Variants in SVIL observed in about 807,000 individuals in gnomAD.
SVIL encodes archvillin.
SVIL carries 101 observed loss-of-function variants against 240.4 expected under a neutral mutation model. The observed-to-expected ratio is 0.42, with a 90% confidence interval of 0.36 to 0.50. SVIL has a LOEUF of 0.50. SVIL is among the 20% of genes least tolerant of loss of function. The pLI, the probability that SVIL is intolerant of heterozygous loss-of-function variation, is 0.01. For missense variants in SVIL, 2,512 were observed against 2,818.7 expected, an observed-to-expected ratio of 0.89 and a Z score of 2.46; for synonymous variants, 999 against 1,100.0, an observed-to-expected ratio of 0.91 and a Z score of 1.82.
intron 21 of SVIL, among the ~76,000 whole-genome samples, chr10:29,491,292 G>C (rs567970414): frequency 6.6e-6 from 1 of 152,054 alleles, no homozygotes; most frequent in Admixed American, 6.6e-5. Flanking sequence ...CTTCCGGGCA[G>C]CTCACGGCTC....
intron 29 of SVIL, among the ~76,000 whole-genome samples, chr10:29,479,467 G>A (rs1946588401): frequency 2.0e-5 from 3 of 152,128 alleles, no homozygotes; most frequent in South Asian, 2.1e-4. Flanking sequence ...AGGGGGCAGG[G>A]GGACCTCTGG....
chr10:29,632,350 G>A (rs1446119699), intron 1 of SVIL, among the ~76,000 whole-genome samples: 1 of 152,060 alleles, frequency 6.6e-6, no homozygotes, highest in Admixed American at 6.6e-5. Context: ...AATTAGCTGG[G>A]CGCAGTGGCA....
Position 29,458,382 on chromosome 10 carries a change from C to CA in SVIL, c.6559-50_6559-49insT, listed in dbSNP as rs1312926097. On this transcript the variant is annotated intron_variant, in intron 37 of 37. Transcript: ENST00000355867. ...CCGCGGCTCAGTGAAAGGAGCCGGGCGTGCGTGTGTTGTTTTACTCCCATC... is the reference window on the plus strand; with the variant it reads ...CCGCGGCTCAGTGAAAGGAGCCGGGCAGTGCGTGTGTTGTTTTACTCCCATC... The CA allele has an allele frequency of 6.3e-6, 10 of 1,595,476 alleles. No homozygotes were observed. In the Admixed American group the frequency reaches 1.7e-4, roughly 27 times the overall value.
chr10:29,711,789 T>G (rs897731994), intron 1 of SVIL: 2 of 150,744 alleles, frequency 1.3e-5, no homozygotes, highest in African/African-American at 4.9e-5. Context: ...GTGCCATGAT[T>G]TAGAGCAACT....
At position 29,603,068 on chromosome 10, in the gene SVIL, T is replaced by A. The variant is rs938888488; in HGVS notation, c.-201+31352A>T. ...GATGATAATGAAGGACTTCTTACCA[T>A]CCTGACGACTGAAACTCGAGACTCC... On this transcript the variant is annotated intron_variant, in intron 1 of 37. Transcript: ENST00000355867. Among the ~76,000 whole-genome samples, 8 of 141,360 alleles carry A rather than the reference T, an allele frequency of 5.7e-5. No individual in the cohort carries two copies. In the Admixed American group the frequency reaches 5.9e-4, roughly 10 times the overall value. The allele number at this position is 141,360 out of a possible 152,430, so 92.7% of individuals were successfully genotyped here. A position where few individuals can be genotyped will look rare whatever the true frequency, so the allele number is the denominator to read the frequency against.
At chr10:29,550,037 A>T (rs1474204475) in intron 6 of SVIL, among the ~76,000 whole-genome samples, 1 of 140,788 alleles carries the variant, frequency 7.1e-6, no homozygotes, top group South Asian at 2.3e-4. Context: ...AAAAAAAAAA[A>T]GAATTACGAA....
intron 30 of SVIL, 179 bp downstream of exon 30, chr10:29,473,659 G>A: frequency 1.4e-6 from 1 of 708,498 alleles, no homozygotes; most frequent in East Asian, 2.8e-5. Context: ...AGTGGGAGGA[G>A]GAAAGAAATG....
intron 1 of SVIL, among the ~76,000 whole-genome samples, chr10:29,605,648 G>A (rs1564693577): frequency 6.9e-6 from 1 of 145,654 alleles, no homozygotes; most frequent in East Asian, 2.0e-4. Context: ...AGTTTTCCTA[G>A]TTTTTTTTTT....
rs577544582 is a variant in SVIL at position 29,563,148 on chromosome 10, C to A, written c.-51+53G>T. 192 of 622,960 alleles carry A rather than the reference C, an allele frequency of 3.1e-4. 1 individual carries two copies. In the South Asian group the frequency reaches 0.013, roughly 41 times the overall value. The allele number at this position is 622,960 out of a possible 1,614,324, so 38.6% of individuals were successfully genotyped here. A position where few individuals can be genotyped will look rare whatever the true frequency, so the allele number is the denominator to read the frequency against. ...AGAGTTCTGCTCAAGGAAATTCGGACAACACAATACGCATCTACCCAGACA... is the reference window on the plus strand; with the variant it reads ...AGAGTTCTGCTCAAGGAAATTCGGAAAACACAATACGCATCTACCCAGACA... On this transcript the variant is annotated intron_variant, in intron 3 of 37. Transcript: ENST00000355867.
chr10:29,529,175 CAAAAAAAAAA>C (rs66523560), intron 12 of SVIL, among the ~76,000 whole-genome samples: 9,626 of 65,966 alleles, frequency 0.15, 465 homozygotes, highest in Non-Finnish European at 0.2. Context: ...GACTCTCTCT[CAAAAAAAAAA>C]AAAAAAAAAA....
At chr10:29,531,438 A>T (rs1013629844) in intron 9 of SVIL, 150 bp from the exon 10 acceptor site, 29 of 785,474 alleles carry the variant, frequency 3.7e-5, no homozygotes, top group Non-Finnish European at 5.9e-5. Flanking sequence ...GTGAAAACAC[A>T]CATACAGTTG....
rs548445260 is a variant in SVIL, at chr10:29,529,046, C to T, written c.2246+659G>A. 3.0e-4 allele frequency among the ~76,000 whole-genome samples: 46 copies of T among 151,826 alleles called. 1 individual carries two copies. In the South Asian group the frequency reaches 9.6e-3, roughly 32 times the overall value. On this transcript the variant is annotated intron_variant, in intron 12 of 37. Transcript: ENST00000355867. The stretch of plus-strand genomic sequence containing the variant: ...CAAAAATTAGCTGAGTGTGGTGGCA[C>T]ATGCCTGTAATCCCAACTACTCGGG...
At chr10:29,596,556 A>G (rs1956599339) in intron 1 of SVIL, among the ~76,000 whole-genome samples, 1 of 152,142 alleles carries the variant, frequency 6.6e-6, no homozygotes, top group African/African-American at 2.4e-5. Flanking sequence ...TAGAGGAATT[A>G]AGAGGTTTGG....
At chr10:29,724,771 C>T (rs182216027) in intron 1 of SVIL, among the ~76,000 whole-genome samples, 2 of 152,120 alleles carry the variant, frequency 1.3e-5, no homozygotes, top group South Asian at 2.1e-4. Context: ...CCTGTAATCC[C>T]GGCACTTTGG....
At chr10:29,549,167 C>CAA (rs551015818) in intron 6 of SVIL, among the ~76,000 whole-genome samples, 6,813 of 105,946 alleles carry the variant, frequency 0.064, 260 homozygotes, top group Admixed American at 0.15. Context: ...AACAAATTTA[C>CAA]AAAAAAAAAA....
chr10:29,557,250 C>T (rs1201871563), intron 3 of SVIL, among the ~76,000 whole-genome samples: 1 of 151,626 alleles, frequency 6.6e-6, no homozygotes, highest in Non-Finnish European at 1.5e-5. Flanking sequence ...CATGTGCCAC[C>T]ACGCCTGGCT....
intron 1 of SVIL, among the ~76,000 whole-genome samples, chr10:29,618,446 A>T (rs745898053): frequency 4.6e-5 from 7 of 152,174 alleles, no homozygotes; most frequent in Non-Finnish European, 8.8e-5. Flanking sequence ...TTTCTGGATT[A>T]CTGGTTGCAC....
chr10:29,581,819 C>T (rs1377052799), intron 1 of SVIL, among the ~76,000 whole-genome samples: 2 of 152,170 alleles, frequency 1.3e-5, no homozygotes, highest in Non-Finnish European at 2.9e-5. Flanking sequence ...AAAAGAAAGA[C>T]ATAGGTCAGT....
In SVIL at chr10:29,714,183, C is replaced by A. The variant is rs553366975; in HGVS notation, c.-400+21568G>T. Reference sequence around the variant, plus strand: ...CCAGGCAGCTTAGGGTTGTTGCTGCCATTTCAGAGGGCCATTCCTTCATTT... The same window carrying A: ...CCAGGCAGCTTAGGGTTGTTGCTGCAATTTCAGAGGGCCATTCCTTCATTT... On this transcript the variant is annotated intron_variant, in intron 1 of 35. Coordinates refer to the SVIL transcript ENST00000375400. 8.5e-5 allele frequency among the ~76,000 whole-genome samples: 13 copies of A among 152,328 alleles called. No homozygotes were observed. In the South Asian group the frequency reaches 1.2e-3, roughly 15 times the overall value.
Sources: allele counts gnomAD v4.1 joint callset (sites outside exome capture counted in the v4.1 genomes callset), GRCh38; gene constraint gnomAD v4.1.1; transcripts MANE v1.5; gene names NCBI Gene and HGNC (gene_info 2026-07-23, HGNC 2026-07-21).